TPPP: variants seen among roughly 807,000 people sequenced by gnomAD.
TPPP encodes the protein tubulin polymerization-promoting protein.
In TPPP, 6 loss-of-function variants were observed where a neutral mutation model predicts 15.5. The observed-to-expected ratio is 0.39, with a 90% confidence interval of 0.21 to 0.77. The LOEUF (loss-of-function observed/expected upper bound fraction) is 0.77. Ranked by LOEUF, TPPP falls within the 30% of genes least tolerant of loss-of-function variation. The probability of loss-of-function intolerance (pLI) is 0.42; values close to 1 mark genes in which losing one functional copy is unlikely to be tolerated. For missense variants in TPPP, 269 were observed against 307.2 expected, an observed-to-expected ratio of 0.88 and a Z score of 0.93; for synonymous variants, 146 against 133.9, an observed-to-expected ratio of 1.09 and a Z score of -0.63.
intron 2 of TPPP, among the ~76,000 whole-genome samples, chr5:673,465 G>A (rs929810442): frequency 1.3e-5 from 2 of 152,008 alleles, no homozygotes; most frequent in Non-Finnish European, 2.9e-5. Flanking sequence ...TGAATGGGGA[G>A]GGGGGGAGGT....
intron 2 of TPPP, among the ~76,000 whole-genome samples, chr5:666,450 C>T (rs1322107956): frequency 4.6e-5 from 7 of 152,350 alleles, no homozygotes; most frequent in African/African-American, 1.4e-4. Context: ...CAGCCCCGCC[C>T]AGCTGCGCCG....
rs1739572311 is a variant in TPPP, at chr5:661,060, G to A, written c.*4042C>T. The A allele has an allele frequency of 6.6e-6, 1 of 152,298 alleles. No homozygotes were observed. Among genetic ancestry groups the A allele is most frequent in the Non-Finnish European group, 1.5e-5 (1 of 68,030 alleles). 9.4% of individuals were successfully genotyped at this position (152,298 alleles called of 1,614,324 possible). ...CGCTAATTGTTAGGAACACTACCTG[G>A]TTGCTTATCCTATAGCAGTAAATTA... is the stretch of plus-strand genomic sequence containing the variant. On this transcript the variant is annotated 3_prime_UTR_variant, in exon 4 of 4. Transcript: ENST00000360578.
rs998108729 is a variant in TPPP, at chr5:661,785, C to T, written c.*3317G>A. 1.3e-5 allele frequency: 2 copies of T among 152,388 alleles called. No homozygotes were observed. Among genetic ancestry groups the T allele is most frequent in the South Asian group, 2.1e-4 (1 of 4,830 alleles). The allele number at this position is 152,388 out of a possible 1,614,324, so 9.4% of individuals were successfully genotyped here. A position where few individuals can be genotyped will look rare whatever the true frequency, so the allele number is the denominator to read the frequency against. On this transcript the variant is annotated 3_prime_UTR_variant, in exon 4 of 4. Coordinates refer to ENST00000360578, the MANE Select transcript of TPPP (RefSeq NM_007030.3). Reference sequence around the variant, plus strand: ...GTCCTCGTGACTTTATTTTTGCTACCCCTCCTGGCTAGGTGACAGAGATGG... The same window carrying T: ...GTCCTCGTGACTTTATTTTTGCTACTCCTCCTGGCTAGGTGACAGAGATGG...
At chr5:673,237 C>T (rs1399629714) in intron 2 of TPPP, among the ~76,000 whole-genome samples, 5 of 152,340 alleles carry the variant, frequency 3.3e-5, no homozygotes, top group African/African-American at 4.8e-5. Flanking sequence ...CCCAACGCCT[C>T]GTGGTGGCCC....
chr5:678,689 C>T (rs1342620542), intron 1 of TPPP, among the ~76,000 whole-genome samples: 3 of 149,918 alleles, frequency 2.0e-5, no homozygotes, highest in Non-Finnish European at 4.4e-5. Context: ...CTGGGCCTGG[C>T]CCCGGCCAGG....
rs958947285 is a variant in TPPP at position 664,696 on chromosome 5, G to T, written c.*406C>A. 2 of 196,092 alleles carry T rather than the reference G, an allele frequency of 1.0e-5. No individual in the cohort carries two copies. Among genetic ancestry groups the T allele is most frequent in the Non-Finnish European group, 2.1e-5 (2 of 95,140 alleles). The allele number at this position is 196,092 out of a possible 1,614,324, so 12.1% of individuals were successfully genotyped here. On this transcript the variant is annotated 3_prime_UTR_variant, in exon 4 of 4. Transcript: ENST00000360578. ...CCGTGTTAGTTGCCTGCTGGTTGGG[G>T]TTAGCTCCTGCCACCCTCAGGGCTC... is the stretch of plus-strand genomic sequence containing the variant.
Position 665,315 on chromosome 5 carries a change from G to T in TPPP, c.466-19C>A, listed in dbSNP as rs776424574. 114 of 1,604,858 alleles carry T rather than the reference G, an allele frequency of 7.1e-5. 1 individual carries two copies. Among genetic ancestry groups the T allele is most frequent in the Non-Finnish European group, 6.7e-5 (79 of 1,176,508 alleles). On this transcript the variant is annotated intron_variant, in intron 3 of 3. Transcript: ENST00000360578. ...TGGCTTTCTGCAAGAGGAGCAGGAG[G>T]AAGGGGGCAGGTGAGTTGCGAGCCA...
rs966312088 is a variant in TPPP, at chr5:660,081, G to C, written c.*5021C>G. ...GGACGTCCGCGGTGAGTGCGGTTTA[G>C]ACATCAGCAGAAGTGGCTTTCAGAG... On this transcript the variant is annotated 3_prime_UTR_variant, in exon 4 of 4. Coordinates refer to ENST00000360578, the MANE Select transcript of TPPP (RefSeq NM_007030.3). The C allele has an allele frequency of 1.3e-5, 2 of 152,188 alleles. No homozygotes were observed. Among genetic ancestry groups the C allele is most frequent in the African/African-American group, 4.8e-5 (2 of 41,426 alleles). 9.4% of individuals were successfully genotyped at this position (152,188 alleles called of 1,614,324 possible). A position where few individuals can be genotyped will look rare whatever the true frequency, so the allele number is the denominator to read the frequency against.
upstream of TPPP, among the ~76,000 whole-genome samples, chr5:694,209 G>A (rs1740976394): frequency 6.6e-6 from 1 of 151,760 alleles, no homozygotes; most frequent in Non-Finnish European, 1.5e-5. Flanking sequence ...GGGCTGCCCG[G>A]CCCTCCGCAG....
At chr5:685,338 G>A (rs2126910998) in intron 1 of TPPP, among the ~76,000 whole-genome samples, 1 of 152,358 alleles carries the variant, frequency 6.6e-6, no homozygotes, top group South Asian at 2.1e-4. Context: ...GAGGAGGGCA[G>A]GGTGGAGTCC....
intron 2 of TPPP, chr5:676,185 C>T (rs1740424575): frequency 6.6e-6 from 1 of 152,274 alleles, no homozygotes; most frequent in Non-Finnish European, 1.5e-5. Flanking sequence ...CATAACTTTC[C>T]AAACCCCAAA....
At chr5:666,642 C>T (rs956082396) in intron 2 of TPPP, among the ~76,000 whole-genome samples, 4 of 151,542 alleles carry the variant, frequency 2.6e-5, no homozygotes, top group South Asian at 2.1e-4. Context: ...CAGGCGGCCC[C>T]GCTGTGCCCT....
upstream of TPPP, among the ~76,000 whole-genome samples, chr5:697,706 C>T (rs1192662881): frequency 1.3e-5 from 2 of 151,950 alleles, no homozygotes; most frequent in Admixed American, 6.6e-5. Context: ...TGTGTGGATG[C>T]CCTGCACTCA....
At chr5:685,777 C>T (rs939688865) in intron 1 of TPPP, among the ~76,000 whole-genome samples, 2 of 152,352 alleles carry the variant, frequency 1.3e-5, no homozygotes, top group East Asian at 3.9e-4. Flanking sequence ...AGCCCATCTG[C>T]ACTCAGGTGT....
chr5:663,666 G>A lies in TPPP; in HGVS notation c.*1436C>T, dbSNP rs1166764560. The stretch of plus-strand genomic sequence containing the variant: ...GTGCTCATGCGTGCCAGTGAGGGAG[G>A]GGCCTCGCCACCCTCCTGTACTGTG... On this transcript the variant is annotated 3_prime_UTR_variant, in exon 4 of 4. Coordinates refer to ENST00000360578, the MANE Select transcript of TPPP (RefSeq NM_007030.3). 2.6e-5 allele frequency: 4 copies of A among 152,494 alleles called. No homozygotes were observed. The highest frequency in any genetic ancestry group is 9.6e-5 in the African/African-American group (4 of 41,468). 9.4% of individuals were successfully genotyped at this position (152,494 alleles called of 1,614,324 possible). A position where few individuals can be genotyped will look rare whatever the true frequency, so the allele number is the denominator to read the frequency against.
At position 665,204 on chromosome 5, in the gene TPPP, G is replaced by T; in HGVS notation, c.558C>A (p.Gly186=). The T allele has an allele frequency of 6.2e-7, 1 of 1,613,884 alleles. No individual in the cohort carries two copies. Among genetic ancestry groups the T allele is most frequent in the South Asian group, 1.1e-5 (1 of 91,086 alleles). Residue 186 remains glycine, a synonymous_variant, in exon 4 of 4, where the codon GGC becomes GGA. Transcript: ENST00000360578. ...HKERFDPSGK[G]KGKAGRVDLV... ...GATCCACGCGGCCAGCCTTGCCCTT[G>T]CCCTTGCCAGAGGGGTCGAAGCGCT...
At chr5:676,934 G>GCA (rs142619200) in intron 2 of TPPP, among the ~76,000 whole-genome samples, 3 of 147,608 alleles carry the variant, frequency 2.0e-5, no homozygotes, top group African/African-American at 5.1e-5. Flanking sequence ...ACGCACGCGC[G>GCA]CACACGACGC....
rs550032184 is a variant in TPPP at position 672,517 on chromosome 5, TG to T, written c.311+5232del. On this transcript the variant is annotated intron_variant, in intron 2 of 3. Coordinates refer to ENST00000360578, the MANE Select transcript of TPPP (RefSeq NM_007030.3). ...TCCTTCCTCTGCCTCATCGGCTGGG[TG>T]CCCCCACCTGAGCTAGATGGACCCA... Among the ~76,000 whole-genome samples, 481 of 152,308 alleles carry T rather than the reference TG, an allele frequency of 3.2e-3. 3 individuals carry two copies. The highest frequency in any genetic ancestry group is 7.9e-3 in the African/African-American group (327 of 41,576).
upstream of TPPP, among the ~76,000 whole-genome samples, chr5:697,630 C>T (rs1260716005): frequency 1.3e-5 from 2 of 152,060 alleles, no homozygotes; most frequent in African/African-American, 4.8e-5. Context: ...AAGCAGACCA[C>T]AAGGAGCCTG....
Sources: allele counts gnomAD v4.1 joint callset (sites outside exome capture counted in the v4.1 genomes callset), GRCh38; gene constraint gnomAD v4.1.1; transcripts MANE v1.5; gene names NCBI Gene and HGNC (gene_info 2026-07-23, HGNC 2026-07-21).